Variants in ZFHX3 observed in about 807,000 individuals in gnomAD.
ZFHX3 encodes the protein zinc finger homeobox protein 3.
In ZFHX3, 42 loss-of-function variants were observed where a neutral mutation model predicts 279.1. The ratio of observed to expected loss-of-function variants is 0.15; its 90% confidence interval spans 0.12 to 0.19. ZFHX3 has a LOEUF of 0.19. ZFHX3 is among the 10% of genes least tolerant of loss of function. The pLI, the probability that ZFHX3 is intolerant of heterozygous loss-of-function variation, is 1.00. For missense variants in ZFHX3, 4,981 were observed against 4,754.0 expected (o/e 1.05, Z -1.40); for synonymous variants, 2,293 against 1,957.8 (o/e 1.17, Z -4.52).
intron 5 of ZFHX3, among the ~76,000 whole-genome samples, chr16:73,185,714 A>G (rs1293435857): frequency 2.6e-5 from 4 of 152,198 alleles, no homozygotes; most frequent in Admixed American, 2.6e-4. Flanking sequence ...GGGCATTTTG[A>G]CAAAGTGAAT....
chr16:72,947,861 G>T (rs937966618), intron 3 of ZFHX3, among the ~76,000 whole-genome samples: 1 of 152,092 alleles, frequency 6.6e-6, no homozygotes, highest in Non-Finnish European at 1.5e-5. Flanking sequence ...TGCATGTGCC[G>T]GGCTAATGGA....
intron 5 of ZFHX3, among the ~76,000 whole-genome samples, chr16:73,204,116 C>T (rs1378525383): frequency 6.6e-6 from 1 of 151,896 alleles, no homozygotes; most frequent in Non-Finnish European, 1.5e-5. Flanking sequence ...GTGGTTTTCT[C>T]CACTGCAGTG....
chr16:72,883,005 T>G (rs1442704244), intron 4 of ZFHX3, among the ~76,000 whole-genome samples: 3 of 140,302 alleles, frequency 2.1e-5, no homozygotes, highest in Non-Finnish European at 4.7e-5. Context: ...TGTGTGTGTG[T>G]GTGTGTGTGT....
At chr16:72,923,771 C>G (rs141653298) in intron 3 of ZFHX3, among the ~76,000 whole-genome samples, 177 of 152,218 alleles carry the variant, frequency 1.2e-3, no homozygotes, top group African/African-American at 4.0e-3. Flanking sequence ...AATGAAAAAG[C>G]TAAGGAAATC....
chr16:72,947,815 C>T (rs748765979), intron 3 of ZFHX3, among the ~76,000 whole-genome samples: 78 of 152,096 alleles, frequency 5.1e-4, no homozygotes, highest in African/African-American at 1.6e-3. Context: ...GTAAAGAACT[C>T]GATTACATCC....
chr16:73,491,870 G>A (rs377058223), intron 2 of ZFHX3, among the ~76,000 whole-genome samples: 6 of 152,106 alleles, frequency 3.9e-5, no homozygotes, highest in Admixed American at 1.3e-4. Context: ...ACTGTGAATC[G>A]TCAGTGTTGT....
chr16:72,854,015 T>C (rs2143852583), intron 4 of ZFHX3, among the ~76,000 whole-genome samples: 1 of 151,728 alleles, frequency 6.6e-6, no homozygotes, highest in East Asian at 1.9e-4. Flanking sequence ...AACAAAGCAC[T>C]AGTTAAAAAT....
At chr16:73,561,747 A>G (rs1010369759) in intron 2 of ZFHX3, among the ~76,000 whole-genome samples, 1 of 152,206 alleles carries the variant, frequency 6.6e-6, no homozygotes, top group Non-Finnish European at 1.5e-5. Context: ...AAATAGGCTT[A>G]TTCCTCAAAA....
At chr16:73,235,915 C>G (rs1340600838) in intron 5 of ZFHX3, among the ~76,000 whole-genome samples, 5 of 152,174 alleles carry the variant, frequency 3.3e-5, no homozygotes, top group African/African-American at 1.2e-4. Flanking sequence ...AAGCAATCTG[C>G]CCACCTAGGC....
At chr16:73,685,522 T>G (rs2053073583) in intron 1 of ZFHX3, among the ~76,000 whole-genome samples, 1 of 152,190 alleles carries the variant, frequency 6.6e-6, no homozygotes, top group Non-Finnish European at 1.5e-5. Context: ...CCTGCCAACC[T>G]CTTTATTGTA....
At chr16:73,084,697 T>A (rs1158222644) in intron 8 of ZFHX3, among the ~76,000 whole-genome samples, 1 of 152,060 alleles carries the variant, frequency 6.6e-6, no homozygotes, top group East Asian at 1.9e-4. Context: ...TTGTTTTGTA[T>A]TTTTAGTAGA....
intron 1 of ZFHX3, among the ~76,000 whole-genome samples, chr16:73,741,103 C>T (rs1208310005): frequency 7.2e-6 from 1 of 138,572 alleles, no homozygotes. Context: ...ATGATCTTGG[C>T]TCACTGCAAC....
intron 1 of ZFHX3, among the ~76,000 whole-genome samples, chr16:73,696,479 C>T (rs915833969): frequency 6.6e-6 from 1 of 152,160 alleles, no homozygotes; most frequent in Non-Finnish European, 1.5e-5. Context: ...TGGGTTGGGT[C>T]ATGATTCTGA....
chr16:73,296,194 G>T (rs528786602), intron 4 of ZFHX3, among the ~76,000 whole-genome samples: 31 of 152,226 alleles, frequency 2.0e-4, no homozygotes, highest in African/African-American at 7.5e-4. Flanking sequence ...AACTGCTTAT[G>T]AAATTTCATT....
chr16:73,473,290 T>C (rs1453083339), intron 2 of ZFHX3, among the ~76,000 whole-genome samples: 1 of 143,106 alleles, frequency 7.0e-6, no homozygotes, highest in Non-Finnish European at 1.5e-5. Context: ...TGAGCTATGA[T>C]TGTGTCATGG....
At chr16:73,048,350 A>T (rs1567650327), upstream of ZFHX3, 2 of 151,496 alleles carry the variant, frequency 1.3e-5, no homozygotes, top group East Asian at 1.9e-4. Context: ...GCCCGCAGGG[A>T]CCCGGGGACG....
chr16:73,447,701 G>C (rs1211317626), intron 3 of ZFHX3, among the ~76,000 whole-genome samples: 3 of 152,174 alleles, frequency 2.0e-5, no homozygotes, highest in African/African-American at 7.2e-5. Context: ...CTGCTAAGAG[G>C]AAAGAAGGGT....
intron 1 of ZFHX3, among the ~76,000 whole-genome samples, chr16:73,876,336 T>C (rs914101879): frequency 1.4e-4 from 22 of 152,204 alleles, no homozygotes; most frequent in Admixed American, 1.3e-3. Context: ...ACCACACCCA[T>C]GTACACCTAG....
chr16:72,864,078 C>T (rs923550450), intron 4 of ZFHX3, among the ~76,000 whole-genome samples: 19 of 152,006 alleles, frequency 1.2e-4, no homozygotes, highest in Admixed American at 1.2e-3. Flanking sequence ...GACAGTGCCA[C>T]TTGCAGTCCG....
Sources: allele counts gnomAD v4.1 joint callset (sites outside exome capture counted in the v4.1 genomes callset), GRCh38; gene constraint gnomAD v4.1.1; transcripts MANE v1.5; gene names NCBI Gene and HGNC (gene_info 2026-07-23, HGNC 2026-07-21).